Variants in TLN1 observed in about 807,000 individuals in gnomAD.
TLN1 encodes the protein talin-1.
In TLN1, 56 loss-of-function variants were observed where a neutral mutation model predicts 292.3. That is an observed-to-expected ratio of 0.19 (90% confidence interval 0.15 to 0.24). The LOEUF is 0.24. Ranked by LOEUF, TLN1 falls within the 10% of genes least tolerant of loss-of-function variation. The pLI is 1.00. For missense variants in TLN1, 2,433 were observed against 3,248.2 expected, an observed-to-expected ratio of 0.75 and a Z score of 6.10; for synonymous variants, 1,119 against 1,253.7, an observed-to-expected ratio of 0.89 and a Z score of 2.27.
In TLN1 at chr9:35,703,778, G is replaced by A. The variant is rs138038169; in HGVS notation, c.6354C>T (p.Ala2118=). The change falls in exon 47 of 57, where the codon GCC becomes GCT. Residue 2118 remains alanine, a synonymous_variant. Transcript: ENST00000314888. ...DPAVWQLKNS[A]KVMVTNVTSL... is the part of the protein sequence containing the mutation. ...TGTTGCTCTCATTCTCTCCAACCTT[G>A]GCAGAGTTCTTTAGCTGCCACACAG... 1.1e-5 allele frequency: 17 copies of A among 1,614,064 alleles called. No individual in the cohort carries two copies. The highest frequency in any genetic ancestry group is 1.4e-5 in the Non-Finnish European group (16 of 1,180,048).
At chr9:35,702,640 G>A (rs1402666238) in intron 48 of TLN1, among the ~76,000 whole-genome samples, 3 of 151,780 alleles carry the variant, frequency 2.0e-5, no homozygotes, top group Admixed American at 6.6e-5. Flanking sequence ...CTACAGGCGC[G>A]TGCCACCACG....
rs187341737 is a variant in TLN1, at chr9:35,702,305, T to C, written c.6474+1255A>G. Among the ~76,000 whole-genome samples, 7 of 152,332 alleles carry C rather than the reference T, an allele frequency of 4.6e-5. No individual in the cohort carries two copies. In the East Asian group the frequency reaches 1.4e-3, roughly 29 times the overall value. On this transcript the variant is annotated intron_variant, in intron 48 of 56. Transcript: ENST00000314888. ...GAAAATAACTCAACTCAGAACTGGATGTCTGCTTCTTACAGAATAATAATG... is the reference window on the plus strand; with the variant it reads ...GAAAATAACTCAACTCAGAACTGGACGTCTGCTTCTTACAGAATAATAATG...
At chr9:35,727,793 A>T (rs1365266880) in intron 1 of TLN1, among the ~76,000 whole-genome samples, 1 of 151,716 alleles carries the variant, frequency 6.6e-6, no homozygotes, top group South Asian at 2.1e-4. Flanking sequence ...ACACTTAGAC[A>T]CCCCCTTCCT....
chr9:35,700,658 T>C (rs558269109), intron 48 of TLN1, among the ~76,000 whole-genome samples: 1 of 152,160 alleles, frequency 6.6e-6, no homozygotes, highest in East Asian at 1.9e-4. Context: ...GATATACAGA[T>C]GATAGGAGGG....
At position 35,714,408 on chromosome 9, in the gene TLN1, A is replaced by G; in HGVS notation, c.2986-35T>C. ...AATAGGCAGGTGGATGAAGTGTGCC[A>G]TCCTCCCTCTGGGCTTGGGTACAAG... On this transcript the variant is annotated intron_variant, in intron 23 of 56. Coordinates refer to ENST00000314888, the MANE Select transcript of TLN1 (RefSeq NM_006289.4). The surrounding 1 kb of genome is among the most constrained non-coding windows in gnomAD (Gnocchi z 4.6). 1 of 1,590,350 alleles carries G rather than the reference A, an allele frequency of 6.3e-7. No homozygotes were observed. The highest frequency in any genetic ancestry group is 8.6e-7 in the Non-Finnish European group (1 of 1,168,088).
chr9:35,718,895 G>C lies in TLN1; in HGVS notation c.1912C>G (p.Leu638Val), dbSNP rs1037299168. The change falls in exon 17 of 57, where the codon CTG (leucine) becomes GTG (valine). Residue 638 changes from leucine to valine, a missense_variant. Physicochemically the swap from Leu to Val is conservative, Grantham distance 32. Around this residue, in one of 7 missense-constraint regions of TLN1, gnomAD observed 617 missense variants for 770.6 expected, o/e 0.80. Coordinates refer to ENST00000314888, the MANE Select transcript of TLN1 (RefSeq NM_006289.4). ...TGGCCCACGTTCCCAGCTGCTTGCA[G>C]CAGGTTCTGACGGGGCTGTGGAGAG... Reference protein sequence around the residue: ...PASAEPRQNLLQAAGNVGQAS... With the variant: ...PASAEPRQNLVQAAGNVGQAS... The C allele has an allele frequency of 1.4e-5, 23 of 1,612,902 alleles. No individual in the cohort carries two copies. The highest frequency in any genetic ancestry group is 1.8e-5 in the Non-Finnish European group (21 of 1,179,516).
In TLN1 at chr9:35,714,358, C is replaced by T. The variant is rs777095203; in HGVS notation, c.3001G>A (p.Val1001Met). 2.5e-6 allele frequency: 4 copies of T among 1,611,608 alleles called. No homozygotes were observed. In the South Asian group the frequency reaches 4.4e-5, roughly 18 times the overall value. Residue 1001 changes from valine (V) to methionine (M), a missense_variant, in exon 24 of 57, where the codon GTG becomes ATG. Val to Met is a conservative substitution (Grantham distance 21). Transcript: ENST00000314888. This position sits in a 1 kb window ranked among gnomAD's most constrained non-coding sequence, Gnocchi z 4.6. ...QSFLQPGGKM[V>M]AAAKASVPTI... ...GGCACTGAGGCCTTTGCAGCTGCCA[C>T]CATCTTCCCACCTGGCTGTTGGGGA...
At chr9:35,720,381 G>A (rs1389746403) in intron 12 of TLN1, 52 bp downstream of exon 12, 20 of 1,599,022 alleles carry the variant, frequency 1.3e-5, no homozygotes, top group Admixed American at 1.7e-5. Flanking sequence ...TTAGAGTCAG[G>A]CCTTGCCTTC....
intron 9 of TLN1, 92 bp downstream of exon 9, chr9:35,722,027 G>T: frequency 7.9e-7 from 1 of 1,270,922 alleles, no homozygotes; most frequent in Non-Finnish European, 1.1e-6. Flanking sequence ...AATGGTGGGA[G>T]ATGTGACTGA....
Position 35,713,284 on chromosome 9 carries a change from G to A in TLN1, c.3264C>T (p.Thr1088=). 6.3e-7 allele frequency: 1 copy of A among 1,591,400 alleles called. No homozygotes were observed. Among genetic ancestry groups the A allele is most frequent in the Non-Finnish European group, 8.6e-7 (1 of 1,161,140 alleles). Residue 1088 remains threonine (T), a synonymous_variant, in exon 26 of 57, where the codon ACC becomes ACT. Coordinates refer to ENST00000314888, the MANE Select transcript of TLN1 (RefSeq NM_006289.4). ...CTTTGGTGCTGTTGCCCAGGTCCTG[G>A]GTACACTTCTCCATCTAAGGATGAA... The part of the protein sequence containing the change: ...PLPGETMEKC[T]QDLGNSTKAV...
chr9:35,707,522 A>G lies in TLN1; in HGVS notation c.4633-34T>C. ...GACAGAGAGGCTCTCAGGACTTGGGATGCAGTCATAGGGGGTATAGGAAGT... is the reference window on the plus strand; with the variant it reads ...GACAGAGAGGCTCTCAGGACTTGGGGTGCAGTCATAGGGGGTATAGGAAGT... On this transcript the variant is annotated intron_variant, in intron 35 of 56. Transcript: ENST00000314888. The surrounding 1 kb of genome is among the most constrained non-coding windows in gnomAD (Gnocchi z 5.6). 1 of 1,611,488 alleles carries G rather than the reference A, an allele frequency of 6.2e-7. No individual in the cohort carries two copies. Among genetic ancestry groups the G allele is most frequent in the South Asian group, 1.1e-5 (1 of 90,922 alleles).
rs56204846 is a variant in TLN1, at chr9:35,698,760, A to G, written c.7125+48T>C. 10,997 of 1,613,786 alleles carry G rather than the reference A, an allele frequency of 6.8e-3. 37 individuals carry two copies. Among genetic ancestry groups the G allele is most frequent in the Non-Finnish European group, 8.8e-3 (10,394 of 1,179,716 alleles). ...GCTGGCTATGGATGTGGATGTGGAC[A>G]TCAAAGTGCCAACCTGTCCCCATTC... is the stretch of plus-strand genomic sequence containing the variant. On this transcript the variant is annotated intron_variant, in intron 53 of 56. Transcript: ENST00000314888. The surrounding 1 kb of genome is among the most constrained non-coding windows in gnomAD (Gnocchi z 5.3).
intron 48 of TLN1, among the ~76,000 whole-genome samples, chr9:35,700,981 G>A (rs929324002): frequency 6.6e-6 from 1 of 152,168 alleles, no homozygotes; most frequent in Non-Finnish European, 1.5e-5. Context: ...CAGCAAAACT[G>A]AGGACTGTGA....
rs756880213 is a variant in TLN1 at position 35,707,393 on chromosome 9, C to T, written c.4728G>A (p.Ala1576=). Residue 1576 remains alanine (A), a synonymous_variant, in exon 36 of 57, where the codon GCG becomes GCA. Coordinates refer to ENST00000314888, the MANE Select transcript of TLN1 (RefSeq NM_006289.4). The surrounding 1 kb of genome is among the most constrained non-coding windows in gnomAD (Gnocchi z 5.6). ...GAATGCTGGAGAACTCAGGGTTGGA[C>T]GCAAAGGCACTCAGATTGTCCACAG... ...LEAVDNLSAF[A]SNPEFSSIPA... The T allele has an allele frequency of 9.9e-6, 16 of 1,614,024 alleles. No individual in the cohort carries two copies. Among genetic ancestry groups the T allele is most frequent in the Admixed American group, 3.3e-5 (2 of 60,000 alleles).
Position 35,717,796 on chromosome 9 carries a change from A to C in TLN1, c.1996-10T>G. The C allele has an allele frequency of 1.9e-6, 3 of 1,589,782 alleles. No homozygotes were observed. Among genetic ancestry groups the C allele is most frequent in the African/African-American group, 2.7e-5 (2 of 74,618 alleles). ...GCTGCATTAGCGCATCCTGTGAGAA[A>C]ACAGCAGTTAGCATGACCTGAGATT... On this transcript the variant is annotated splice_polypyrimidine_tract_variant and intron_variant, in intron 17 of 56. Coordinates refer to ENST00000314888, the MANE Select transcript of TLN1 (RefSeq NM_006289.4). The surrounding 1 kb of genome is among the most constrained non-coding windows in gnomAD (Gnocchi z 4.7).
chr9:35,704,362 C>A lies in TLN1; in HGVS notation c.6017G>T (p.Arg2006Leu), dbSNP rs759087292. ...GTCAGCGAAAGTTTCAGTACCCTCA[C>A]GATTGAGCGTGCCAGCAGTGGCGAA... ...IMFATAGTLNREGTETFADHR... is the reference protein window; with the variant it reads ...IMFATAGTLNLEGTETFADHR... Residue 2006 changes from arginine (R) to leucine (L), a missense_variant, in exon 45 of 57, where the codon CGT (arginine) becomes CTT (leucine). This residue lies in a region of TLN1 where 1,384 missense variants were observed against 1,699.6 expected (regional missense o/e 0.81). Transcript: ENST00000314888. The surrounding 1 kb of genome is among the most constrained non-coding windows in gnomAD (Gnocchi z 6.9). 2 of 1,614,054 alleles carry A rather than the reference C, an allele frequency of 1.2e-6. No homozygotes were observed. Among genetic ancestry groups the A allele is most frequent in the East Asian group, 2.2e-5 (1 of 44,876 alleles).
rs79086803 is a variant in TLN1 at position 35,718,079 on chromosome 9, G to A, written c.1996-293C>T. ...AATGTGGTGGCGCTGTTACAATGGGGTGGGGAGAGGAGGTAGGAGGTATCT... is the reference window on the plus strand; with the variant it reads ...AATGTGGTGGCGCTGTTACAATGGGATGGGGAGAGGAGGTAGGAGGTATCT... On this transcript the variant is annotated intron_variant, in intron 17 of 56. Transcript: ENST00000314888. 4.1e-3 allele frequency among the ~76,000 whole-genome samples: 618 copies of A among 152,314 alleles called. 5 individuals are homozygous for A. Among genetic ancestry groups the A allele is most frequent in the African/African-American group, 0.014 (600 of 41,564 alleles).
chr9:35,710,002 G>C (rs1335126267), intron 33 of TLN1, among the ~76,000 whole-genome samples: 2 of 147,788 alleles, frequency 1.4e-5, no homozygotes, highest in South Asian at 2.1e-4. Flanking sequence ...CACGAGTCAG[G>C]ATATCGAGAC....
chr9:35,721,240 G>GA (rs1477765836), intron 10 of TLN1, among the ~76,000 whole-genome samples: 5 of 152,100 alleles, frequency 3.3e-5, no homozygotes, highest in East Asian at 3.8e-4. Context: ...ATCCAAAAGG[G>GA]AAAAAACAGC....
Sources: allele counts gnomAD v4.1 joint callset (sites outside exome capture counted in the v4.1 genomes callset), GRCh38; gene constraint gnomAD v4.1.1; regional missense constraint gnomAD v4.1.1; non-coding constraint Gnocchi (gnomAD v3.1); transcripts MANE v1.5; gene names NCBI Gene and HGNC (gene_info 2026-07-23, HGNC 2026-07-21).